MARCHF11: variants seen among roughly 807,000 people sequenced by gnomAD.
MARCHF11 encodes membrane associated ring-CH-type finger 11.
A neutral mutation model predicts 37.3 loss-of-function variants in MARCHF11; 29 were observed. The observed-to-expected ratio is 0.78, with a 90% CI of 0.58 to 1.06. The LOEUF is 1.06. Ranked by LOEUF, MARCHF11 falls within the 50% of genes least tolerant of loss-of-function variation. The probability of loss-of-function intolerance (pLI) is 0.00; values close to 1 mark genes in which losing one functional copy is unlikely to be tolerated. For missense variants in MARCHF11, 482 were observed against 533.4 expected (o/e 0.90, Z 0.95); for synonymous variants, 233 against 228.0 (o/e 1.02, Z -0.20).
intron 2 of MARCHF11, among the ~76,000 whole-genome samples, chr5:16,125,886 C>T (rs898166009): frequency 6.6e-6 from 1 of 152,084 alleles, no homozygotes; most frequent in African/African-American, 2.4e-5. Context: ...TACTTTTATC[C>T]ATAAGAAAGG....
rs764612045 is a variant in MARCHF11 at position 16,067,693 on chromosome 5, G to A, written c.987C>T (p.Asp329=). Residue 329 remains aspartate, a synonymous_variant, in exon 4 of 4, where the codon GAC becomes GAT. Transcript: ENST00000332432. Reference sequence around the variant, plus strand: ...ACTCTCCCCGGCTGCTTTCTTCGATGTCTGTGGCTTTGTCATAATTTAACA... The same window carrying A: ...ACTCTCCCCGGCTGCTTTCTTCGATATCTGTGGCTTTGTCATAATTTAACA... ...WDVLNYDKAT[D]IEESSRGESS... 1.2e-6 allele frequency: 2 copies of A among 1,613,946 alleles called. No individual in the cohort carries two copies. Among genetic ancestry groups the A allele is most frequent in the South Asian group, 1.1e-5 (1 of 91,086 alleles).
intron 3 of MARCHF11, among the ~76,000 whole-genome samples, chr5:16,075,908 G>T (rs1736507910): frequency 6.6e-6 from 1 of 152,176 alleles, no homozygotes; most frequent in Non-Finnish European, 1.5e-5. Flanking sequence ...GAAAGGATCT[G>T]TGTTCAGCCC....
intron 2 of MARCHF11, among the ~76,000 whole-genome samples, chr5:16,121,151 T>A (rs1183823239): frequency 6.6e-6 from 1 of 152,198 alleles, no homozygotes; most frequent in South Asian, 2.1e-4. Flanking sequence ...CCAACATGTA[T>A]CACTCCCTTC....
intron 2 of MARCHF11, among the ~76,000 whole-genome samples, chr5:16,124,886 G>A (rs1737376131): frequency 6.6e-6 from 1 of 151,312 alleles, no homozygotes; most frequent in Non-Finnish European, 1.5e-5. Flanking sequence ...AATAGAATAT[G>A]TAAATCCATA....
rs191464440 is a variant in MARCHF11 at position 16,077,415 on chromosome 5, T to C, written c.887-9622A>G. Among the ~76,000 whole-genome samples the C allele has an allele frequency of 1.8e-4, 28 of 152,252 alleles. No individual in the cohort carries two copies. The East Asian group carries it at 5.2e-3, about 28-fold the overall frequency. ...AACCATACATGTATTTGTTGCTCTGTTTTGGGGGAGCGAAAATAATATTTT... is the reference window on the plus strand; with the variant it reads ...AACCATACATGTATTTGTTGCTCTGCTTTGGGGGAGCGAAAATAATATTTT... On this transcript the variant is annotated intron_variant, in intron 3 of 3. Coordinates refer to ENST00000332432, the MANE Select transcript of MARCHF11 (RefSeq NM_001102562.3).
chr5:16,179,499 G>C lies in MARCHF11; in HGVS notation c.77C>G (p.Pro26Arg). 3 of 1,164,494 alleles carry C rather than the reference G, an allele frequency of 2.6e-6. No individual in the cohort carries two copies. The highest frequency in any genetic ancestry group is 3.2e-6 in the Non-Finnish European group (3 of 945,270). The allele number at this position is 1,164,494 out of a possible 1,614,324, so 72.1% of individuals were successfully genotyped here. A position where few individuals can be genotyped will look rare whatever the true frequency, so the allele number is the denominator to read the frequency against. The change falls in exon 1 of 4, where the codon CCT becomes CGT. Residue 26 changes from proline to arginine, a missense_variant. Transcript: ENST00000332432. ...ESGDAEPPPQ[P>R]PPPPPPTPPP... ...CGGCGTCGGCGGCGGCGGCGGGGGA[G>C]GTTGCGGGGGAGGCTCGGCGTCCCC...
intron 2 of MARCHF11, among the ~76,000 whole-genome samples, chr5:16,114,962 C>T (rs906225892): frequency 6.6e-6 from 1 of 152,042 alleles, no homozygotes; most frequent in African/African-American, 2.4e-5. Context: ...TACTTAAGTT[C>T]TTCTACTTGA....
chr5:16,173,542 C>T (rs1404723201), intron 2 of MARCHF11, among the ~76,000 whole-genome samples: 1 of 152,168 alleles, frequency 6.6e-6, no homozygotes, highest in African/African-American at 2.4e-5. Context: ...TATCTCATTA[C>T]ACCTGCTTTT....
intron 3 of MARCHF11, among the ~76,000 whole-genome samples, chr5:16,074,834 A>T (rs966422750): frequency 1.3e-5 from 2 of 152,238 alleles, no homozygotes; most frequent in African/African-American, 4.8e-5. Context: ...TGATTAGTGC[A>T]ATAATGAAGA....
In MARCHF11 at chr5:16,134,826, C is replaced by T. The variant is rs545212353; in HGVS notation, c.693+42900G>A. Reference sequence around the variant, plus strand: ...AAGAATATTTACCAACATGAGAAAGCATAATACAAAGAGAAAACTTGATAA... The same window carrying T: ...AAGAATATTTACCAACATGAGAAAGTATAATACAAAGAGAAAACTTGATAA... On this transcript the variant is annotated intron_variant, in intron 2 of 3. Coordinates refer to ENST00000332432, the MANE Select transcript of MARCHF11 (RefSeq NM_001102562.3). 2.6e-5 allele frequency among the ~76,000 whole-genome samples: 4 copies of T among 152,096 alleles called. No individual in the cohort carries two copies. The East Asian group carries it at 7.7e-4, about 29-fold the overall frequency.
intron 2 of MARCHF11, among the ~76,000 whole-genome samples, chr5:16,106,768 C>T (rs187126101): frequency 4.6e-5 from 7 of 152,290 alleles, no homozygotes; most frequent in African/African-American, 1.4e-4. Flanking sequence ...AAACATCCTA[C>T]GATGGACAGG....
intron 2 of MARCHF11, among the ~76,000 whole-genome samples, chr5:16,102,723 C>G (rs1736978226): frequency 6.6e-6 from 1 of 152,176 alleles, no homozygotes; most frequent in African/African-American, 2.4e-5. Context: ...CTCTTGGGCA[C>G]TGGACAAGGA....
At chr5:16,134,741 A>G (rs150644563) in intron 2 of MARCHF11, among the ~76,000 whole-genome samples, 54 of 152,318 alleles carry the variant, frequency 3.5e-4, no homozygotes, top group Non-Finnish European at 6.5e-4. Flanking sequence ...AAGTGACTAA[A>G]TAAGTTCTGG....
At chr5:16,084,016 GAGTT>G (rs1736653979) in intron 3 of MARCHF11, among the ~76,000 whole-genome samples, 1 of 152,028 alleles carries the variant, frequency 6.6e-6, no homozygotes, top group South Asian at 2.1e-4. Flanking sequence ...ATACAACACA[GAGTT>G]AGTAAATGTA....
chr5:16,129,233 C>T (rs549185264), intron 2 of MARCHF11: 1 of 152,174 alleles, frequency 6.6e-6, no homozygotes. Flanking sequence ...GCTTTCATCT[C>T]TGGAGTCGGG....
At chr5:16,100,863 C>T (rs750930881) in intron 2 of MARCHF11, among the ~76,000 whole-genome samples, 2 of 152,076 alleles carry the variant, frequency 1.3e-5, no homozygotes, top group Non-Finnish European at 2.9e-5. Flanking sequence ...GACTAGCAAG[C>T]ATTAATTTAG....
In MARCHF11 at chr5:16,100,531, G is replaced by T. The variant is rs182475516; in HGVS notation, c.694-9450C>A. Among the ~76,000 whole-genome samples the T allele has an allele frequency of 1.2e-3, 182 of 152,338 alleles. 3 individuals carry two copies. Among genetic ancestry groups the T allele is most frequent in the African/African-American group, 4.3e-3 (179 of 41,582 alleles). On this transcript the variant is annotated intron_variant, in intron 2 of 3. Transcript: ENST00000332432. ...CAGTAGAGCCCAGTGATGTGGAGTGGAGAGTGACTCTAAATGGCAGAGGTA... is the reference window on the plus strand; with the variant it reads ...CAGTAGAGCCCAGTGATGTGGAGTGTAGAGTGACTCTAAATGGCAGAGGTA...
At chr5:16,078,764 C>T (rs1736560533) in intron 3 of MARCHF11, among the ~76,000 whole-genome samples, 1 of 152,178 alleles carries the variant, frequency 6.6e-6, no homozygotes, top group Non-Finnish European at 1.5e-5. Flanking sequence ...TGTGACCTCA[C>T]TGCTGCACAG....
chr5:16,179,125 TGCTGCTGCG>T lies in MARCHF11; in HGVS notation c.442_450del (p.Arg148_Ser150del), dbSNP rs1738418914. The T allele has an allele frequency of 6.7e-7, 1 of 1,491,336 alleles. No individual in the cohort carries two copies. The highest frequency in any genetic ancestry group is 8.9e-7 in the Non-Finnish European group (1 of 1,127,508). 92.4% of individuals were successfully genotyped at this position (1,491,336 alleles called of 1,614,324 possible). A position where few individuals can be genotyped will look rare whatever the true frequency, so the allele number is the denominator to read the frequency against. ...GCGCGCTGGTCGCCGCCGCCACTGCTGCTGCTGCGGCTGCTGCACACCGAGCGCGTCTCG... is the reference window on the plus strand; with the variant it reads ...GCGCGCTGGTCGCCGCCGCCACTGCTGCTGCTGCACACCGAGCGCGTCTCG... On this transcript the variant is annotated inframe_deletion, in exon 1 of 4. Transcript: ENST00000332432.
Sources: gnomAD v4.1 joint callset for allele counts (sites outside exome capture counted in the v4.1 genomes callset) on GRCh38, gnomAD v4.1.1 for gene constraint, MANE v1.5 for transcripts, NCBI Gene and HGNC (gene_info 2026-07-23, HGNC 2026-07-21) for gene names.